Variants in CD247 observed in about 807,000 individuals in gnomAD.
The protein encoded by CD247 is T-cell surface glycoprotein CD3 zeta chain.
A neutral mutation model predicts 30.0 loss-of-function variants in CD247; 13 were observed. The ratio of observed to expected loss-of-function variants is 0.43; its 90% CI spans 0.28 to 0.69. CD247 has a LOEUF of 0.69. CD247 is among the 30% of genes least tolerant of loss of function. The probability of loss-of-function intolerance (pLI) is 0.16; values close to 1 mark genes in which losing one functional copy is unlikely to be tolerated. For missense variants in CD247, 193 were observed against 212.6 expected (o/e 0.91, Z 0.57); for synonymous variants, 72 against 80.0 (o/e 0.90, Z 0.53).
intron 1 of CD247, among the ~76,000 whole-genome samples, chr1:167,450,161 T>C (rs531060472): frequency 7.2e-5 from 11 of 152,304 alleles, no homozygotes; most frequent in African/African-American, 2.4e-4. Context: ...AACAGCTTCA[T>C]TCCTAAAGCT....
chr1:167,490,005 G>T (rs181009896), intron 1 of CD247, among the ~76,000 whole-genome samples: 92 of 151,834 alleles, frequency 6.1e-4, no homozygotes, highest in African/African-American at 2.1e-3. Context: ...AGCTGCCTGT[G>T]CCCCCCCACC....
At chr1:167,453,017 A>C (rs1652434143) in intron 1 of CD247, among the ~76,000 whole-genome samples, 1 of 133,468 alleles carries the variant, frequency 7.5e-6, no homozygotes, top group African/African-American at 2.9e-5. Flanking sequence ...GTGCATATAT[A>C]TATATTATAG....
chr1:167,458,114 A>G (rs1277752459), intron 1 of CD247, among the ~76,000 whole-genome samples: 3 of 152,204 alleles, frequency 2.0e-5, no homozygotes, highest in Non-Finnish European at 4.4e-5. Flanking sequence ...TGTGCCTCCA[A>G]AATACTGGTG....
Position 167,484,014 on chromosome 1 carries a change from C to T in CD247, c.58+34394G>A, listed in dbSNP as rs374298399. Among the ~76,000 whole-genome samples the T allele has an allele frequency of 1.7e-3, 264 of 152,346 alleles. 1 individual carries two copies. The highest frequency in any genetic ancestry group is 0.01 in the Middle Eastern group (3 of 294). On this transcript the variant is annotated intron_variant, in intron 1 of 7. Coordinates refer to ENST00000362089, the MANE Select transcript of CD247 (RefSeq NM_198053.3). ...CAAGTGTCCCACTGCTCTGCCACCG[C>T]TGGTGCCGTGTGGGAGTCAAGGCTG...
intron 1 of CD247, among the ~76,000 whole-genome samples, chr1:167,485,585 G>T (rs138293828): frequency 2.0e-5 from 3 of 152,246 alleles, no homozygotes; most frequent in Non-Finnish European, 4.4e-5. Flanking sequence ...CCTGAGATTA[G>T]GGAGCTGCCT....
chr1:167,515,397 T>C (rs1655558496), intron 1 of CD247, among the ~76,000 whole-genome samples: 1 of 152,158 alleles, frequency 6.6e-6, no homozygotes, highest in Admixed American at 6.5e-5. Flanking sequence ...AAAACTTTTG[T>C]CTATGAGCCT....
chr1:167,438,648 C>A lies in CD247; in HGVS notation c.222G>T (p.Glu74Asp). 6.2e-7 allele frequency: 1 copy of A among 1,613,054 alleles called. No homozygotes were observed. The highest frequency in any genetic ancestry group is 8.5e-7 in the Non-Finnish European group (1 of 1,178,984). Residue 74 changes from glutamate to aspartate, a missense_variant and splice_region_variant, in exon 4 of 8, where the codon GAG becomes GAT. By Grantham distance (45) the Glu-to-Asp change is conservative. Transcript: ENST00000362089. ...ACTCCTCTCTTCGTCCTAGATTGAGCTCCTATAACAGATAAGAAAGTGTCA... is the reference window on the plus strand; with the variant it reads ...ACTCCTCTCTTCGTCCTAGATTGAGATCCTATAACAGATAAGAAAGTGTCA... ...YQQGQNQLYN[E>D]LNLGRREEYD...
intron 1 of CD247, among the ~76,000 whole-genome samples, chr1:167,502,685 G>A (rs1654962185): frequency 6.6e-6 from 1 of 152,134 alleles, no homozygotes; most frequent in African/African-American, 2.4e-5. Flanking sequence ...TCATTAGGGT[G>A]GGCTCTAATC....
intron 1 of CD247, among the ~76,000 whole-genome samples, chr1:167,475,696 G>A (rs779510503): frequency 6.6e-6 from 1 of 152,148 alleles, no homozygotes; most frequent in East Asian, 1.9e-4. Context: ...AAACACAGGA[G>A]GCAGAGGAAC....
At chr1:167,433,149 C>T in intron 6 of CD247, 90 bp from the exon 7 acceptor site, 3 of 1,339,820 alleles carry the variant, frequency 2.2e-6, no homozygotes, top group South Asian at 1.2e-5. Flanking sequence ...CCAAGGTACC[C>T]AGGAAGTCAG....
intron 1 of CD247, among the ~76,000 whole-genome samples, chr1:167,511,986 C>T (rs1655406437): frequency 6.6e-6 from 1 of 152,116 alleles, no homozygotes. Context: ...CAGAGAACGG[C>T]GGTCTGGACT....
intron 1 of CD247, among the ~76,000 whole-genome samples, chr1:167,443,249 T>C (rs1311935528): frequency 2.0e-5 from 3 of 152,162 alleles, no homozygotes; most frequent in African/African-American, 7.2e-5. Flanking sequence ...TGCCTCTTCC[T>C]CCAGCCCCAG....
chr1:167,478,427 T>C (rs1464573693), intron 1 of CD247, among the ~76,000 whole-genome samples: 3 of 152,242 alleles, frequency 2.0e-5, no homozygotes, highest in Non-Finnish European at 4.4e-5. Context: ...TAAAGCTGCT[T>C]TCCTATTTGA....
chr1:167,466,891 G>C (rs747948371), intron 1 of CD247, among the ~76,000 whole-genome samples: 2 of 151,566 alleles, frequency 1.3e-5, no homozygotes, highest in South Asian at 2.1e-4. Context: ...CCAGGCTGGA[G>C]TGCAGTGGCG....
At chr1:167,442,116 A>T (rs1557996888) in intron 1 of CD247, among the ~76,000 whole-genome samples, 1 of 152,222 alleles carries the variant, frequency 6.6e-6, no homozygotes, top group Non-Finnish European at 1.5e-5. Context: ...GTCTCAAAAA[A>T]AAATTTAAAA....
chr1:167,483,481 A>G (rs951960034), intron 1 of CD247, among the ~76,000 whole-genome samples: 40 of 152,034 alleles, frequency 2.6e-4, no homozygotes, highest in African/African-American at 9.7e-4. Flanking sequence ...AATTCATGCT[A>G]GTTTTTCCCA....
At chr1:167,462,077 A>T (rs1653044084) in intron 1 of CD247, among the ~76,000 whole-genome samples, 2 of 152,198 alleles carry the variant, frequency 1.3e-5, no homozygotes, top group African/African-American at 4.8e-5. Context: ...AATATTTAGC[A>T]TGGTGTAAGT....
At chr1:167,464,995 C>CAT (rs1415150165) in intron 1 of CD247, among the ~76,000 whole-genome samples, 1 of 151,908 alleles carries the variant, frequency 6.6e-6, no homozygotes, top group Non-Finnish European at 1.5e-5. Flanking sequence ...CTCTTTCTTC[C>CAT]CCTCTGTCTC....
chr1:167,452,981 A>T (rs1004426130), intron 1 of CD247, among the ~76,000 whole-genome samples: 2 of 124,486 alleles, frequency 1.6e-5, no homozygotes, highest in Admixed American at 9.0e-5. Context: ...ATACATAGAG[A>T]GCAATATGTG....
Sources: allele counts gnomAD v4.1 joint callset (sites outside exome capture counted in the v4.1 genomes callset), GRCh38; gene constraint gnomAD v4.1.1; transcripts MANE v1.5; gene names NCBI Gene and HGNC (gene_info 2026-07-23, HGNC 2026-07-21).